Variants in STPG2 observed in about 807,000 individuals in gnomAD.
The protein encoded by STPG2 is sperm tail PG-rich repeat containing 2.
A neutral mutation model predicts 54.2 loss-of-function variants in STPG2; 56 were observed. The ratio of observed to expected loss-of-function variants is 1.03; its 90% CI spans 0.83 to 1.29. STPG2 has a LOEUF of 1.29. Among genes scored for constraint, STPG2 ranks in the 50% most tolerant of loss-of-function variants. The pLI is 0.00. For synonymous variants in STPG2, 200 were observed against 181.8 expected (o/e 1.10, Z -0.81); for missense variants, 596 against 544.9 (o/e 1.09, Z -0.93).
chr4:97,869,676 C>A (rs906785673), intron 8 of STPG2, among the ~76,000 whole-genome samples: 1 of 151,578 alleles, frequency 6.6e-6, no homozygotes, highest in Non-Finnish European at 1.5e-5. Flanking sequence ...GACCCTGCCA[C>A]TTTAGAAAGC....
chr4:97,790,710 T>C (rs1395728369), intron 9 of STPG2, among the ~76,000 whole-genome samples: 5 of 152,160 alleles, frequency 3.3e-5, no homozygotes, highest in Non-Finnish European at 7.4e-5. Flanking sequence ...CCTCTTCTGT[T>C]GCATCTCTCT....
chr4:97,556,309 G>A (rs1045612220), downstream of STPG2, among the ~76,000 whole-genome samples: 2 of 152,130 alleles, frequency 1.3e-5, no homozygotes, highest in African/African-American at 2.4e-5. Context: ...CATATTTAAT[G>A]TTATTGGAGA....
intron 8 of STPG2, among the ~76,000 whole-genome samples, chr4:97,929,662 A>G (rs1732469056): frequency 6.6e-6 from 1 of 152,130 alleles, no homozygotes. Flanking sequence ...ATTGTTGGCC[A>G]CATGTATGTC....
At chr4:97,958,136 C>A (rs1456511225) in intron 7 of STPG2, among the ~76,000 whole-genome samples, 1 of 151,914 alleles carries the variant, frequency 6.6e-6, no homozygotes, top group South Asian at 2.1e-4. Context: ...ATGGTAAAAC[C>A]CTGTCTCTAC....
At chr4:98,032,942 T>G (rs371236499) in intron 5 of STPG2, among the ~76,000 whole-genome samples, 53 of 152,248 alleles carry the variant, frequency 3.5e-4, no homozygotes, top group East Asian at 2.3e-3. Context: ...TTTAAAGCAG[T>G]GTGTAGAGGG....
intron 7 of STPG2, among the ~76,000 whole-genome samples, chr4:97,957,098 G>A (rs1282281434): frequency 4.5e-5 from 6 of 132,620 alleles, no homozygotes; most frequent in African/African-American, 1.3e-4. Flanking sequence ...ATATACATAG[G>A]TGAAATATAC....
intron 5 of STPG2, among the ~76,000 whole-genome samples, chr4:98,061,949 T>G (rs1162584303): frequency 2.0e-5 from 3 of 152,212 alleles, no homozygotes; most frequent in Non-Finnish European, 4.4e-5. Flanking sequence ...TTGCTAAGTA[T>G]ATACCCAGAG....
At chr4:97,674,616 A>G (rs1424348364) in intron 10 of STPG2, among the ~76,000 whole-genome samples, 1 of 152,182 alleles carries the variant, frequency 6.6e-6, no homozygotes, top group African/African-American at 2.4e-5. Flanking sequence ...TCTAGAATGC[A>G]TGAACTCTCA....
intron 8 of STPG2, among the ~76,000 whole-genome samples, chr4:97,853,893 C>T (rs1045807251): frequency 1.3e-5 from 2 of 152,056 alleles, no homozygotes; most frequent in Non-Finnish European, 2.9e-5. Context: ...GAGCTCCTCC[C>T]GCCTCAGCCT....
chr4:97,822,225 TACAG>T (rs1728116520), intron 9 of STPG2, among the ~76,000 whole-genome samples: 1 of 152,234 alleles, frequency 6.6e-6, no homozygotes, highest in African/African-American at 2.4e-5. Context: ...TACCCTAAAA[TACAG>T]ACAAGTTATT....
intron 10 of STPG2, among the ~76,000 whole-genome samples, chr4:97,638,125 G>T (rs1484642361): frequency 6.6e-6 from 1 of 152,014 alleles, no homozygotes; most frequent in Non-Finnish European, 1.5e-5. Context: ...AAAACAGCAT[G>T]GTACTGGTAC....
chr4:97,617,892 T>C (rs1733914674), intron 10 of STPG2, among the ~76,000 whole-genome samples: 1 of 152,168 alleles, frequency 6.6e-6, no homozygotes, highest in Non-Finnish European at 1.5e-5. Flanking sequence ...TCATAGTCTT[T>C]AAGAATAGTG....
chr4:97,555,672 T>A (rs1468867571), downstream of STPG2, among the ~76,000 whole-genome samples: 1 of 152,116 alleles, frequency 6.6e-6, no homozygotes, highest in East Asian at 1.9e-4. Flanking sequence ...GATTAATTTG[T>A]AAAATCAACA....
At chr4:97,658,175 A>T (rs555463943) in intron 10 of STPG2, among the ~76,000 whole-genome samples, 5 of 152,332 alleles carry the variant, frequency 3.3e-5, no homozygotes, top group South Asian at 2.1e-4. Flanking sequence ...GAAACTGAAG[A>T]TAGCTGCTAT....
Position 97,910,813 on chromosome 4 carries a change from C to T in STPG2, c.1044+33084G>A, listed in dbSNP as rs1731649167. Reference sequence around the variant, plus strand: ...AGCAGGTATCATACGAAAGTATCAACAAGCAATTATAAATTCTTGGAAAAA... The same window carrying T: ...AGCAGGTATCATACGAAAGTATCAATAAGCAATTATAAATTCTTGGAAAAA... On this transcript the variant is annotated intron_variant, in intron 8 of 10. Transcript: ENST00000295268. Among the ~76,000 whole-genome samples the T allele has an allele frequency of 1.3e-5, 2 of 152,080 alleles. 1 individual carries two copies. The highest frequency in any genetic ancestry group is 4.2e-4 in the South Asian group (2 of 4,816).
At chr4:97,707,842 A>C (rs1480349413) in intron 10 of STPG2, among the ~76,000 whole-genome samples, 1 of 152,182 alleles carries the variant, frequency 6.6e-6, no homozygotes, top group Non-Finnish European at 1.5e-5. Context: ...AGAAAATATA[A>C]AGGCATTAAA....
intron 10 of STPG2, among the ~76,000 whole-genome samples, chr4:97,664,586 A>G (rs986335764): frequency 2.6e-5 from 4 of 152,204 alleles, no homozygotes; most frequent in African/African-American, 9.6e-5. Context: ...GTTCCAGATT[A>G]CAGGTTTGAT....
chr4:97,450,982 T>C (rs2148797987), intron 4 of STPG2, among the ~76,000 whole-genome samples: 1 of 152,268 alleles, frequency 6.6e-6, no homozygotes, highest in South Asian at 2.1e-4. Context: ...AAGATGTTTT[T>C]CAGGTTAGAA....
chr4:97,828,694 C>T (rs1351734680), intron 9 of STPG2, among the ~76,000 whole-genome samples: 2 of 152,042 alleles, frequency 1.3e-5, no homozygotes, highest in Admixed American at 6.6e-5. Flanking sequence ...CTGGGATGCT[C>T]GAGCTTGATC....
Sources: allele counts gnomAD v4.1 joint callset (sites outside exome capture counted in the v4.1 genomes callset), GRCh38; gene constraint gnomAD v4.1.1; transcripts MANE v1.5; gene names NCBI Gene and HGNC (gene_info 2026-07-23, HGNC 2026-07-21).